TMEM220: variants seen among roughly 807,000 people sequenced by gnomAD.
TMEM220 encodes the protein transmembrane protein 220.
A neutral mutation model predicts 21.7 loss-of-function variants in TMEM220; 21 were observed. The ratio of observed to expected loss-of-function variants is 0.97; its 90% CI spans 0.69 to 1.39. The LOEUF (loss-of-function observed/expected upper bound fraction) is 1.39, where lower values mean the gene tolerates loss of function less well. Ranked by LOEUF, TMEM220 falls within the 40% of genes most tolerant of loss-of-function variation. TMEM220 has a pLI of 0.00. For synonymous variants in TMEM220, 80 were observed against 73.6 expected, an observed-to-expected ratio of 1.09 and a Z score of -0.45; for missense variants, 191 against 201.9, an observed-to-expected ratio of 0.95 and a Z score of 0.33.
chr17:10,723,394 C>A, intron 4 of TMEM220, 65 bp from the exon 5 acceptor site: 1 of 1,185,998 alleles, frequency 8.4e-7, no homozygotes, highest in East Asian at 2.3e-5. Context: ...TCATCACATT[C>A]TCTCCATGAC....
chr17:10,726,191 G>A lies in TMEM220; in HGVS notation c.163+13C>T. ...GATTTGCTGTCTCTCCATTTAGAAT[G>A]CAAGGCTTATACCTGTGACTTCAGG... On this transcript the variant is annotated intron_variant, in intron 3 of 5. Coordinates refer to ENST00000341871, the MANE Select transcript of TMEM220 (RefSeq NM_001004313.3). 3 of 1,609,738 alleles carry A rather than the reference G, an allele frequency of 1.9e-6. 1 individual carries two copies. The South Asian group carries it at 3.3e-5, about 18-fold the overall frequency.
At chr17:10,716,551 A>G in intron 5 of TMEM220, 1 of 594,100 alleles carries the variant, frequency 1.7e-6, no homozygotes, top group African/African-American at 1.9e-5. Context: ...TTCTAAAAGA[A>G]AGCTGCACCA....
chr17:10,716,605 A>G (rs1567584443), intron 5 of TMEM220: 1 of 438,506 alleles, frequency 2.3e-6, no homozygotes, highest in Non-Finnish European at 4.5e-6. Flanking sequence ...TTTATAATAG[A>G]CCTGTGATCC....
At chr17:10,715,797 T>C (rs182534192) in intron 5 of TMEM220, among the ~76,000 whole-genome samples, 522 of 152,292 alleles carry the variant, frequency 3.4e-3, no homozygotes, top group African/African-American at 0.012. Flanking sequence ...CCTTGTCCCA[T>C]TTGATGTCTT....
chr17:10,723,164 A>G, intron 5 of TMEM220, 106 bp downstream of exon 5: 3 of 949,404 alleles, frequency 3.2e-6, no homozygotes, highest in Middle Eastern at 4.4e-4. Flanking sequence ...GTATTTTAGT[A>G]GAGACAGGGT....
At chr17:10,725,728 A>C (rs2075042015) in intron 3 of TMEM220, among the ~76,000 whole-genome samples, 1 of 152,110 alleles carries the variant, frequency 6.6e-6, no homozygotes, top group Non-Finnish European at 1.5e-5. Flanking sequence ...TTTTCAGTAA[A>C]CTGTACCAAT....
At chr17:10,718,962 GTGTT>G (rs1403534771) in intron 5 of TMEM220, among the ~76,000 whole-genome samples, 1 of 151,980 alleles carries the variant, frequency 6.6e-6, no homozygotes, top group Non-Finnish European at 1.5e-5. Flanking sequence ...TTTCTTTTTT[GTGTT>G]TGTTTGTTAG....
chr17:10,720,376 A>G (rs1207236048), intron 5 of TMEM220, among the ~76,000 whole-genome samples: 15 of 152,242 alleles, frequency 9.9e-5, no homozygotes, highest in Admixed American at 9.2e-4. Context: ...TTTCTATACT[A>G]TAGAATGATC....
chr17:10,724,091 T>G (rs1045620606), intron 4 of TMEM220, among the ~76,000 whole-genome samples: 2 of 152,216 alleles, frequency 1.3e-5, no homozygotes, highest in Non-Finnish European at 2.9e-5. Flanking sequence ...TTCAGTGATG[T>G]TTAACTTACA....
At position 10,723,636 on chromosome 17, in the gene TMEM220, C is replaced by T. The variant is rs74728041; in HGVS notation, c.288-307G>A. Reference sequence around the variant, plus strand: ...GAATATTTTATAAAATCCACAGATACATCACTTTTTTCAGGTCGCTAGAAG... The same window carrying T: ...GAATATTTTATAAAATCCACAGATATATCACTTTTTTCAGGTCGCTAGAAG... On this transcript the variant is annotated intron_variant, in intron 4 of 5. Coordinates refer to ENST00000341871, the MANE Select transcript of TMEM220 (RefSeq NM_001004313.3). Among the ~76,000 whole-genome samples the T allele has an allele frequency of 9.5e-4, 145 of 152,234 alleles. 1 individual carries two copies. The East Asian group carries it at 0.022, about 23-fold the overall frequency.
At chr17:10,728,234 G>C (rs1462527587) in intron 2 of TMEM220, among the ~76,000 whole-genome samples, 1 of 149,820 alleles carries the variant, frequency 6.7e-6, no homozygotes, top group Admixed American at 6.6e-5. Flanking sequence ...GTTCAAATCA[G>C]AGCCTTGCTT....
chr17:10,728,466 C>T lies in TMEM220; in HGVS notation c.102+565G>A, dbSNP rs919988365. ...TGGGGACTACAGGCGCATGCCACCACGCCTGGCTAATTTTTGTATTTTTTG... is the reference window on the plus strand; with the variant it reads ...TGGGGACTACAGGCGCATGCCACCATGCCTGGCTAATTTTTGTATTTTTTG... On this transcript the variant is annotated intron_variant, in intron 2 of 5. Transcript: ENST00000341871. Among the ~76,000 whole-genome samples, 6 of 151,980 alleles carry T rather than the reference C, an allele frequency of 3.9e-5. No homozygotes were observed. The East Asian group carries it at 9.7e-4, about 25-fold the overall frequency.
chr17:10,729,370 G>A (rs1228728756), intron 1 of TMEM220, among the ~76,000 whole-genome samples: 1 of 152,126 alleles, frequency 6.6e-6, no homozygotes, highest in Non-Finnish European at 1.5e-5. Flanking sequence ...AGAAATGAGG[G>A]AAATGATTAT....
In TMEM220 at chr17:10,714,111, T is replaced by C. The variant is rs2074878765; in HGVS notation, c.*1342A>G. 6.6e-6 allele frequency: 1 copy of C among 152,218 alleles called. No individual in the cohort carries two copies. Among genetic ancestry groups the C allele is most frequent in the African/African-American group, 2.4e-5 (1 of 41,452 alleles). 9.4% of individuals were successfully genotyped at this position (152,218 alleles called of 1,614,324 possible). On this transcript the variant is annotated 3_prime_UTR_variant, in exon 6 of 6. Transcript: ENST00000341871. ...ACAGATAAAATCAACTTTAATAGTA[T>C]ATTTAACCCATTATAGCCAAAATAT...
At chr17:10,728,344 T>C (rs1358672161) in intron 2 of TMEM220, among the ~76,000 whole-genome samples, 5 of 146,426 alleles carry the variant, frequency 3.4e-5, no homozygotes, top group Non-Finnish European at 3.0e-5. Context: ...AGTCTCACTC[T>C]GTCGCCCAGA....
Position 10,725,114 on chromosome 17 carries a change from T to C in TMEM220, c.184A>G (p.Ile62Val). ...CAAAAGAGTATGTGTATTGCAGAGA[T>C]ACTTTTCCAAATAACATTACCTAAA... is the stretch of plus-strand genomic sequence containing the variant. ...EVTGNVIWKS[I>V]SAIHILFCTV... Residue 62 changes from isoleucine (I) to valine (V), a missense_variant, in exon 4 of 6, where the codon ATC (isoleucine) becomes GTC (valine). By Grantham distance (29) the Ile-to-Val change is conservative (BLOSUM62 3). Coordinates refer to ENST00000341871, the MANE Select transcript of TMEM220 (RefSeq NM_001004313.3). 3 of 1,614,130 alleles carry C rather than the reference T, an allele frequency of 1.9e-6. No individual in the cohort carries two copies. Among genetic ancestry groups the C allele is most frequent in the Non-Finnish European group, 8.5e-7 (1 of 1,180,000 alleles).
intron 4 of TMEM220, chr17:10,724,589 A>AC (rs2075027380): frequency 6.1e-6 from 1 of 163,716 alleles, no homozygotes; most frequent in Non-Finnish European, 1.3e-5. Flanking sequence ...CAAAAAAAAA[A>AC]AAAAAAGGAC....
At position 10,714,486 on chromosome 17, in the gene TMEM220, G is replaced by T. The variant is rs440655; in HGVS notation, c.*967C>A. The T allele has an allele frequency of 0.5, 75,740 of 151,796 alleles. 19,665 individuals carry two copies. Among genetic ancestry groups the T allele is most frequent in the African/African-American group, 0.65 (26,859 of 41,418 alleles). The allele number at this position is 151,796 out of a possible 1,614,324, so 9.4% of individuals were successfully genotyped here. A position where few individuals can be genotyped will look rare whatever the true frequency, so the allele number is the denominator to read the frequency against. On this transcript the variant is annotated 3_prime_UTR_variant, in exon 6 of 6. Transcript: ENST00000341871. The stretch of plus-strand genomic sequence containing the variant: ...ATTTCTCATTTAGAATGTAGTTATA[G>T]TCCCTATTGCCTTCTTGTTTGGTCC...
downstream of TMEM220, chr17:10,711,148 A>G: frequency 6.3e-7 from 1 of 1,588,816 alleles, no homozygotes; most frequent in Non-Finnish European, 8.6e-7. Context: ...TTGTTAGTCT[A>G]ATTTATTTTA....
Sources: gnomAD v4.1 joint callset for allele counts (sites outside exome capture counted in the v4.1 genomes callset) on GRCh38, gnomAD v4.1.1 for gene constraint, MANE v1.5 for transcripts, NCBI Gene and HGNC (gene_info 2026-07-23, HGNC 2026-07-21) for gene names.